Variants in SNX7 observed in about 807,000 individuals in gnomAD.
SNX7 encodes sorting nexin-7.
A neutral mutation model predicts 48.4 loss-of-function variants in SNX7; 35 were observed. That is an observed-to-expected ratio of 0.72 (90% CI 0.55 to 0.96). SNX7 has a LOEUF of 0.96. Among genes scored for constraint, SNX7 ranks in the 40% least tolerant of loss-of-function variants. The probability of loss-of-function intolerance (pLI) is 0.00; values close to 1 mark genes in which losing one functional copy is unlikely to be tolerated. For missense variants in SNX7, 553 were observed against 548.9 expected (o/e 1.01, Z -0.07); for synonymous variants, 190 against 190.2 (o/e 1.00, Z 0.01).
At chr1:98,714,009 C>T (rs1274591282) in intron 7 of SNX7, among the ~76,000 whole-genome samples, 1 of 152,010 alleles carries the variant, frequency 6.6e-6, no homozygotes, top group Non-Finnish European at 1.5e-5. Context: ...AGGGTTGTCA[C>T]AAAGCTTCAA....
At chr1:98,759,101 G>C (rs1261858368) in intron 8 of SNX7, among the ~76,000 whole-genome samples, 2 of 151,972 alleles carry the variant, frequency 1.3e-5, no homozygotes, top group Non-Finnish European at 2.9e-5. Flanking sequence ...GAAAGCATTA[G>C]AGGCAGAAGA....
At chr1:98,755,580 C>T (rs1279000438) in intron 8 of SNX7, among the ~76,000 whole-genome samples, 2 of 151,744 alleles carry the variant, frequency 1.3e-5, no homozygotes, top group East Asian at 1.9e-4. Context: ...ACTAATGTAG[C>T]CATGCTAGCT....
chr1:98,667,180 G>T (rs1230196408), intron 1 of SNX7, among the ~76,000 whole-genome samples: 8 of 152,236 alleles, frequency 5.3e-5, no homozygotes, highest in Non-Finnish European at 5.9e-5. Flanking sequence ...TTACACAGCA[G>T]TAGTAACTAT....
At chr1:98,731,337 C>G (rs1653502513) in intron 7 of SNX7, among the ~76,000 whole-genome samples, 1 of 151,996 alleles carries the variant, frequency 6.6e-6, no homozygotes, top group Non-Finnish European at 1.5e-5. Context: ...CCATAGTAGA[C>G]AGGAAGAATA....
chr1:98,691,518 A>T lies in SNX7; in HGVS notation c.475-17A>T, dbSNP rs1651123500. ...GCTAATAATACTTGAATACCTTTTT[A>T]ATTTTTTTTGCCTTAGCCATTGCCA... On this transcript the variant is annotated splice_polypyrimidine_tract_variant and intron_variant, in intron 3 of 8. Coordinates refer to ENST00000306121, the MANE Select transcript of SNX7 (RefSeq NM_015976.5). 6.4e-7 allele frequency: 1 copy of T among 1,553,456 alleles called. No individual in the cohort carries two copies. The highest frequency in any genetic ancestry group is 1.4e-5 in the African/African-American group (1 of 71,456).
At chr1:98,713,101 A>C (rs574785079) in intron 7 of SNX7, among the ~76,000 whole-genome samples, 2 of 151,984 alleles carry the variant, frequency 1.3e-5, no homozygotes, top group South Asian at 4.2e-4. Flanking sequence ...CAGGAAAAAA[A>C]AAAAAAAAAA....
intron 1 of SNX7, chr1:98,662,755 A>G: frequency 7.8e-7 from 1 of 1,289,386 alleles, no homozygotes; most frequent in East Asian, 5.6e-5. Context: ...CTGAGTTCAG[A>G]TCACAACGCT....
intron 1 of SNX7, 46 bp downstream of exon 1, chr1:98,661,957 C>T: frequency 8.0e-7 from 1 of 1,244,486 alleles, no homozygotes; most frequent in Non-Finnish European, 1.0e-6. Context: ...AAGGCAACTC[C>T]GGGCGTTGCC....
chr1:98,705,555 A>G (rs1651965530), intron 7 of SNX7, among the ~76,000 whole-genome samples: 1 of 152,184 alleles, frequency 6.6e-6, no homozygotes, highest in Non-Finnish European at 1.5e-5. Flanking sequence ...TATAGAGGTA[A>G]TGTTTGAGAT....
intron 7 of SNX7, among the ~76,000 whole-genome samples, chr1:98,730,656 T>A (rs1323812441): frequency 6.6e-6 from 1 of 151,758 alleles, no homozygotes; most frequent in Non-Finnish European, 1.5e-5. Context: ...GTTCACAGTT[T>A]CACAAAAAGA....
At chr1:98,662,798 C>T (rs1364752365) in intron 1 of SNX7, 1 of 1,289,318 alleles carries the variant, frequency 7.8e-7, no homozygotes, top group African/African-American at 1.5e-5. Context: ...TTCATTTTAA[C>T]GTTACCTGGA....
chr1:98,721,780 T>A lies in SNX7; in HGVS notation c.1126-16457T>A, dbSNP rs1015409588. ...TGGAAAGCCTAATGGTAATTGAACA[T>A]ACTGCTTTTCTAGGCTTAGGTTATA... is the stretch of plus-strand genomic sequence containing the variant. On this transcript the variant is annotated intron_variant, in intron 7 of 8. Transcript: ENST00000306121. 4.6e-5 allele frequency among the ~76,000 whole-genome samples: 7 copies of A among 152,096 alleles called. No homozygotes were observed. In the East Asian group the frequency reaches 1.3e-3, roughly 29 times the overall value.
chr1:98,731,849 ACT>A (rs1330865348), intron 7 of SNX7, among the ~76,000 whole-genome samples: 1 of 152,108 alleles, frequency 6.6e-6, no homozygotes, highest in Non-Finnish European at 1.5e-5. Context: ...GTGGCACATG[ACT>A]CTACAAAGTT....
chr1:98,739,208 C>G (rs953093497), intron 8 of SNX7, among the ~76,000 whole-genome samples: 2 of 152,072 alleles, frequency 1.3e-5, no homozygotes, highest in African/African-American at 4.8e-5. Flanking sequence ...TTGTGAGAAT[C>G]TAATGCTGCC....
intron 8 of SNX7, among the ~76,000 whole-genome samples, chr1:98,740,212 A>G (rs1654001836): frequency 1.3e-5 from 2 of 152,170 alleles, no homozygotes; most frequent in Admixed American, 6.6e-5. Context: ...CAGATTTTGA[A>G]TGATATAAAG....
chr1:98,760,372 GT>G lies in SNX7; in HGVS notation c.*245del. On this transcript the variant is annotated 3_prime_UTR_variant, in exon 9 of 9. Coordinates refer to ENST00000306121, the MANE Select transcript of SNX7 (RefSeq NM_015976.5). ...TAAATACAGAGAGATATCTGGCTTG[GT>G]TTTAATTATGTTCTTAAATTTGTGT... 1 of 331,756 alleles carries G rather than the reference GT, an allele frequency of 3.0e-6. No individual in the cohort carries two copies. The highest frequency in any genetic ancestry group is 4.4e-5 in the East Asian group (1 of 22,488). 20.6% of individuals were successfully genotyped at this position (331,756 alleles called of 1,614,324 possible).
chr1:98,698,790 A>G lies in SNX7; in HGVS notation c.923A>G (p.Asp308Gly). The change falls in exon 6 of 9, where the codon GAT becomes GGT. Residue 308 changes from aspartate (D) to glycine (G), a missense_variant. Physicochemically the swap from Asp to Gly is moderately conservative, Grantham distance 94 (BLOSUM62 -1). Transcript: ENST00000306121. ...GAGGATCTGGTTGATACTCTAAAGG[A>G]TGTTGCCAGCTGCATTGACAGATGC... ...SEEDLVDTLK[D>G]VASCIDRCCK... 3 of 1,613,622 alleles carry G rather than the reference A, an allele frequency of 1.9e-6. No homozygotes were observed. Among genetic ancestry groups the G allele is most frequent in the Non-Finnish European group, 2.5e-6 (3 of 1,179,764 alleles).
At position 98,701,659 on chromosome 1, in the gene SNX7, C is replaced by CA. The variant is rs5776431; in HGVS notation, c.1039-145dup. On this transcript the variant is annotated intron_variant, in intron 6 of 8. Coordinates refer to ENST00000306121, the MANE Select transcript of SNX7 (RefSeq NM_015976.5). The stretch of plus-strand genomic sequence containing the variant: ...TTTCAATTTAGTTTTTAGAGAGTAA[C>CA]AAAAAAAAAAAAACAACTTTTTAAA... 8.9e-3 allele frequency among the ~76,000 whole-genome samples: 1,280 copies of CA among 143,704 alleles called. 17 individuals carry two copies. Among genetic ancestry groups the CA allele is most frequent in the African/African-American group, 0.031 (1,220 of 39,018 alleles). The allele number at this position is 143,704 out of a possible 152,430, so 94.3% of individuals were successfully genotyped here.
chr1:98,663,253 G>GTTTTTTTTT (rs61588201), intron 1 of SNX7, among the ~76,000 whole-genome samples: 2 of 41,508 alleles, frequency 4.8e-5, no homozygotes, highest in African/African-American at 1.5e-4. Flanking sequence ...TTTCTTTCTG[G>GTTTTTTTTT]TTTTTTTTTT....
Sources: allele counts gnomAD v4.1 joint callset (sites outside exome capture counted in the v4.1 genomes callset), GRCh38; gene constraint gnomAD v4.1.1; transcripts MANE v1.5; gene names NCBI Gene and HGNC (gene_info 2026-07-23, HGNC 2026-07-21).